CDH12: variants seen among roughly 807,000 people sequenced by gnomAD.
CDH12 encodes cadherin-12.
In CDH12, 41 loss-of-function variants were observed where a neutral mutation model predicts 74.1. The observed-to-expected ratio is 0.55, with a 90% confidence interval of 0.43 to 0.72. CDH12 has a LOEUF of 0.72. Among genes scored for constraint, CDH12 ranks in the 30% least tolerant of loss-of-function variants. The pLI is 0.00. For missense variants in CDH12, 945 were observed against 977.2 expected (o/e 0.97, Z 0.44); for synonymous variants, 399 against 355.0 (o/e 1.12, Z -1.39).
intron 8 of CDH12, among the ~76,000 whole-genome samples, chr5:21,826,011 G>A (rs536571634): frequency 6.6e-6 from 1 of 152,272 alleles, no homozygotes; most frequent in Non-Finnish European, 1.5e-5. Context: ...GTTTAGAGCT[G>A]CATTTATTAA....
intron 4 of CDH12, among the ~76,000 whole-genome samples, chr5:22,166,964 G>T (rs572605145): frequency 6.6e-6 from 1 of 152,236 alleles, no homozygotes; most frequent in East Asian, 1.9e-4. Context: ...AGTTTCAGAA[G>T]AAACTTCAGT....
rs192120136 is a variant in CDH12 at position 22,736,255 on chromosome 5, C to T, written c.-523+116803G>A. 5.3e-3 allele frequency among the ~76,000 whole-genome samples: 799 copies of T among 151,844 alleles called. 7 individuals are homozygous for T. Among genetic ancestry groups the T allele is most frequent in the Middle Eastern group, 0.014 (4 of 294 alleles). On this transcript the variant is annotated intron_variant, in intron 1 of 14. Coordinates refer to ENST00000382254, the MANE Select transcript of CDH12 (RefSeq NM_004061.5). ...GTGTATACTTTAAAATTGAGATATA[C>T]ATAACTTCCTCCAGTTAGATATTTT...
At chr5:22,287,192 T>G (rs1175922870) in intron 3 of CDH12, among the ~76,000 whole-genome samples, 1 of 152,204 alleles carries the variant, frequency 6.6e-6, no homozygotes, top group Non-Finnish European at 1.5e-5. Flanking sequence ...ATGGTTATGC[T>G]GCTAATGCTT....
intron 1 of CDH12, among the ~76,000 whole-genome samples, chr5:22,534,880 G>T (rs1426481786): frequency 2.7e-5 from 4 of 149,362 alleles, no homozygotes; most frequent in Admixed American, 6.7e-5. Context: ...ACTCTTTTTT[G>T]TTAAAAATTT....
intron 6 of CDH12, among the ~76,000 whole-genome samples, chr5:21,969,118 A>G (rs1445130359): frequency 1.3e-5 from 2 of 151,932 alleles, no homozygotes; most frequent in Non-Finnish European, 2.9e-5. Flanking sequence ...CATCCTGCAC[A>G]GGTACTCCAA....
intron 1 of CDH12, among the ~76,000 whole-genome samples, chr5:22,511,469 T>C (rs1278737647): frequency 6.6e-6 from 1 of 152,002 alleles, no homozygotes; most frequent in African/African-American, 2.4e-5. Context: ...AAAAAGCATA[T>C]AAAAATGATT....
intron 10 of CDH12, among the ~76,000 whole-genome samples, chr5:21,792,598 CTT>C (rs371352944): frequency 0.54 from 65,149 of 121,394 alleles, 16,717 homozygotes; most frequent in Non-Finnish European, 0.64. Context: ...TTCCTCTGCC[CTT>C]TTTTTTTTTT....
intron 1 of CDH12, among the ~76,000 whole-genome samples, chr5:22,610,548 CA>C (rs1362884311): frequency 6.6e-6 from 1 of 151,902 alleles, no homozygotes; most frequent in African/African-American, 2.4e-5. Flanking sequence ...TGTAGAATCT[CA>C]AAAAATCTGA....
rs191473702 is a variant in CDH12, at chr5:22,058,702, A to G, written c.231+19744T>C. Among the ~76,000 whole-genome samples the G allele has an allele frequency of 8.4e-3, 1,258 of 150,066 alleles. 10 individuals are homozygous for G. Among genetic ancestry groups the G allele is most frequent in the African/African-American group, 0.029 (1,206 of 40,922 alleles). ...AAAAGAAAGAAAGAAGAAAGAAAGA[A>G]GAAAGAAAAAGAAAGAAAGAAAGAG... On this transcript the variant is annotated intron_variant, in intron 5 of 14. Coordinates refer to ENST00000382254, the MANE Select transcript of CDH12 (RefSeq NM_004061.5).
At chr5:22,584,107 T>C (rs1740248676) in intron 1 of CDH12, among the ~76,000 whole-genome samples, 1 of 150,530 alleles carries the variant, frequency 6.6e-6, no homozygotes, top group Non-Finnish European at 1.5e-5. Flanking sequence ...TATTTATTTA[T>C]TTATTATTTT....
intron 3 of CDH12, among the ~76,000 whole-genome samples, chr5:22,368,335 GT>G (rs1741122354): frequency 6.6e-6 from 1 of 152,046 alleles, no homozygotes; most frequent in Non-Finnish European, 1.5e-5. Flanking sequence ...GTCTTGCTCT[GT>G]TGTCCAGACT....
intron 2 of CDH12, among the ~76,000 whole-genome samples, chr5:22,477,502 G>C (rs1352796936): frequency 2.0e-5 from 3 of 152,116 alleles, no homozygotes; most frequent in Non-Finnish European, 2.9e-5. Flanking sequence ...GGACACTTAG[G>C]TTGATTCCAT....
At chr5:22,003,015 T>TA (rs1561010666) in intron 5 of CDH12, among the ~76,000 whole-genome samples, 2 of 152,034 alleles carry the variant, frequency 1.3e-5, no homozygotes, top group Non-Finnish European at 2.9e-5. Context: ...AAAAAGGGGC[T>TA]TTTGATTTAG....
At chr5:22,403,341 G>A (rs1430080184) in intron 3 of CDH12, among the ~76,000 whole-genome samples, 6 of 152,258 alleles carry the variant, frequency 3.9e-5, no homozygotes, top group Admixed American at 3.9e-4. Flanking sequence ...CAATTATTGG[G>A]TAATAAAGTC....
chr5:21,880,965 T>C (rs1291248548), intron 6 of CDH12, among the ~76,000 whole-genome samples: 5 of 152,024 alleles, frequency 3.3e-5, no homozygotes, highest in Non-Finnish European at 7.4e-5. Context: ...CTAGTGACTG[T>C]CTCTAAAGTT....
chr5:22,398,842 T>G (rs1013802843), intron 3 of CDH12, among the ~76,000 whole-genome samples: 1 of 152,122 alleles, frequency 6.6e-6, no homozygotes, highest in African/African-American at 2.4e-5. Context: ...TCCAGAAGCA[T>G]AGATGGTTGG....
At position 22,062,284 on chromosome 5, in the gene CDH12, A is replaced by G. The variant is rs147699210; in HGVS notation, c.231+16162T>C. The stretch of plus-strand genomic sequence containing the variant: ...ATAAATAAATTGTAAAGGAGAGAGA[A>G]CTAGCATACAATGGACATGGACTAT... On this transcript the variant is annotated intron_variant, in intron 5 of 14. Coordinates refer to ENST00000382254, the MANE Select transcript of CDH12 (RefSeq NM_004061.5). 3.8e-3 allele frequency among the ~76,000 whole-genome samples: 579 copies of G among 152,264 alleles called. 11 individuals are homozygous for G. Among genetic ancestry groups the G allele is most frequent in the African/African-American group, 0.013 (545 of 41,586 alleles).
At chr5:21,929,578 A>C (rs1205868832) in intron 6 of CDH12, among the ~76,000 whole-genome samples, 1 of 152,090 alleles carries the variant, frequency 6.6e-6, no homozygotes, top group African/African-American at 2.4e-5. Flanking sequence ...AATCAGTGGT[A>C]TGATCTCCGC....
chr5:22,845,291 AG>A (rs1441995254), intron 1 of CDH12, among the ~76,000 whole-genome samples: 1 of 152,162 alleles, frequency 6.6e-6, no homozygotes, highest in African/African-American at 2.4e-5. Context: ...GTACATTTAT[AG>A]GCCAAGGTAA....
Sources: allele counts gnomAD v4.1 joint callset (sites outside exome capture counted in the v4.1 genomes callset), GRCh38; gene constraint gnomAD v4.1.1; transcripts MANE v1.5; gene names NCBI Gene and HGNC (gene_info 2026-07-23, HGNC 2026-07-21).